Variants in ARHGAP42 observed in about 807,000 individuals in gnomAD.
ARHGAP42 encodes the protein Rho GTPase activating protein 42, also known as rho GTPase-activating protein 42.
In ARHGAP42, 63 loss-of-function variants were observed where a neutral mutation model predicts 125.0. The ratio of observed to expected loss-of-function variants is 0.50; its 90% CI spans 0.41 to 0.62. ARHGAP42 has a LOEUF of 0.62. Among genes scored for constraint, ARHGAP42 ranks in the 20% least tolerant of loss-of-function variants. The pLI, the probability that ARHGAP42 is intolerant of heterozygous loss-of-function variation, is 0.00. For synonymous variants in ARHGAP42, 339 were observed against 351.0 expected (o/e 0.97, Z 0.38); for missense variants, 766 against 1,024.2 (o/e 0.75, Z 3.44).
chr11:100,976,918 G>C lies in ARHGAP42; in HGVS notation c.2340G>C (p.Arg780Ser), dbSNP rs909835629. 1.3e-6 allele frequency: 2 copies of C among 1,551,516 alleles called. No homozygotes were observed. The highest frequency in any genetic ancestry group is 4.9e-5 in the East Asian group (2 of 40,920). The change falls in exon 21 of 24, where the codon AGG becomes AGC. Residue 780 changes from arginine to serine, a missense_variant. Physicochemically the swap from Arg to Ser is moderately radical, Grantham distance 110 (BLOSUM62 -1). Around this residue, in one of 3 missense-constraint regions of ARHGAP42, gnomAD observed 308 missense variants for 369.7 expected, o/e 0.83. Transcript: ENST00000298815. ...CAGACCTGCCTCCGAAAATGTGCAG[G>C]AGATTAAGACTAGACACTGCCTCAA... ...PNPDLPPKMC[R>S]RLRLDTASSN...
intron 3 of ARHGAP42, among the ~76,000 whole-genome samples, chr11:100,818,977 A>G (rs908506290): frequency 3.3e-5 from 5 of 152,164 alleles, no homozygotes; most frequent in African/African-American, 1.2e-4. Flanking sequence ...GAGGAGCAGA[A>G]GAAAAAATTT....
At chr11:100,934,027 T>C (rs1415653730) in intron 7 of ARHGAP42, among the ~76,000 whole-genome samples, 7 of 152,172 alleles carry the variant, frequency 4.6e-5, no homozygotes, top group African/African-American at 1.7e-4. Flanking sequence ...CCTCAGGTGA[T>C]CCACCCGCCA....
intron 6 of ARHGAP42, among the ~76,000 whole-genome samples, chr11:100,925,619 TC>T (rs1316570329): frequency 6.6e-6 from 1 of 152,066 alleles, no homozygotes; most frequent in Admixed American, 6.5e-5. Context: ...GTGCCTGTAA[TC>T]CCAGCTACTG....
chr11:100,949,735 G>A (rs1868125410), intron 11 of ARHGAP42, among the ~76,000 whole-genome samples, 182 bp from the exon 12 acceptor site: 2 of 152,092 alleles, frequency 1.3e-5, no homozygotes, highest in South Asian at 2.1e-4. Flanking sequence ...GGGAAGTGAG[G>A]GTGGGTGAAC....
intron 4 of ARHGAP42, among the ~76,000 whole-genome samples, chr11:100,901,437 C>G (rs920083067): frequency 2.6e-4 from 39 of 152,372 alleles, no homozygotes; most frequent in African/African-American, 8.7e-4. Flanking sequence ...AACCACTGCT[C>G]TCTTCACCAT....
At chr11:100,974,820 G>T (rs1858346911) in intron 19 of ARHGAP42, among the ~76,000 whole-genome samples, 1 of 152,050 alleles carries the variant, frequency 6.6e-6, no homozygotes, top group Admixed American at 6.6e-5. Context: ...AGAAAAAAGG[G>T]CTCAAGGCCC....
chr11:100,876,821 C>G (rs935212373), intron 4 of ARHGAP42, among the ~76,000 whole-genome samples: 1 of 152,164 alleles, frequency 6.6e-6, no homozygotes, highest in Non-Finnish European at 1.5e-5. Flanking sequence ...TCTTACTGTT[C>G]TGTATTTAGA....
intron 1 of ARHGAP42, among the ~76,000 whole-genome samples, chr11:100,767,819 G>A (rs564478339): frequency 6.6e-6 from 1 of 152,152 alleles, no homozygotes; most frequent in East Asian, 1.9e-4. Context: ...ATAAAGGGGT[G>A]TTCAATGGAA....
chr11:100,945,299 T>G (rs1238604348), intron 10 of ARHGAP42, among the ~76,000 whole-genome samples: 1 of 149,238 alleles, frequency 6.7e-6, no homozygotes, highest in Admixed American at 6.8e-5. Flanking sequence ...ACTGAAGTCT[T>G]GAACCCCTCC....
chr11:100,960,808 G>A, intron 13 of ARHGAP42, 107 bp from the exon 14 acceptor site: 1 of 591,178 alleles, frequency 1.7e-6, no homozygotes, highest in Non-Finnish European at 2.8e-6. Context: ...CTGTGAAATT[G>A]GATAAGTAGC....
chr11:100,920,555 A>C (rs1867210241), intron 5 of ARHGAP42, among the ~76,000 whole-genome samples: 2 of 152,148 alleles, frequency 1.3e-5, no homozygotes, highest in South Asian at 4.1e-4. Flanking sequence ...TGTAATACCC[A>C]ACTGGCGACA....
chr11:100,875,604 G>A (rs1329272412), intron 4 of ARHGAP42, among the ~76,000 whole-genome samples: 3 of 152,098 alleles, frequency 2.0e-5, no homozygotes, highest in African/African-American at 7.2e-5. Flanking sequence ...CCATTCCAGG[G>A]GTCAAATAAA....
chr11:100,823,361 G>A (rs1053454082), intron 3 of ARHGAP42, among the ~76,000 whole-genome samples: 5 of 152,088 alleles, frequency 3.3e-5, no homozygotes, highest in Non-Finnish European at 7.4e-5. Flanking sequence ...TCAGGATGGT[G>A]GATCACCTCT....
intron 18 of ARHGAP42, 149 bp from the exon 19 acceptor site, chr11:100,974,310 A>C: frequency 1.0e-5 from 7 of 678,290 alleles, no homozygotes; most frequent in Non-Finnish European, 1.6e-5. Context: ...CCCGTGAAAG[A>C]ATACTCCAGA....
At chr11:100,703,692 A>T (rs7938194) in intron 1 of ARHGAP42, among the ~76,000 whole-genome samples, 1 of 152,026 alleles carries the variant, frequency 6.6e-6, no homozygotes, top group Non-Finnish European at 1.5e-5. Flanking sequence ...TAATGAACAG[A>T]CAGTATAGAT....
chr11:100,801,294 T>C (rs1488291230), intron 3 of ARHGAP42, among the ~76,000 whole-genome samples: 1 of 152,212 alleles, frequency 6.6e-6, no homozygotes, highest in Non-Finnish European at 1.5e-5. Context: ...AAAGGGACTA[T>C]ATAATTAATT....
At chr11:100,915,340 T>G (rs1248178948) in intron 5 of ARHGAP42, among the ~76,000 whole-genome samples, 1 of 152,128 alleles carries the variant, frequency 6.6e-6, no homozygotes, top group African/African-American at 2.4e-5. Flanking sequence ...GATGTGGATG[T>G]AGTTATGTAG....
chr11:100,827,949 G>T (rs548122552), intron 3 of ARHGAP42, among the ~76,000 whole-genome samples: 3 of 152,308 alleles, frequency 2.0e-5, no homozygotes, highest in South Asian at 4.1e-4. Context: ...GGGAGTGGGG[G>T]TAAGAGATTT....
At chr11:100,859,374 A>C (rs1044565926) in intron 3 of ARHGAP42, 180 bp from the exon 4 acceptor site, 3 of 451,310 alleles carry the variant, frequency 6.6e-6, no homozygotes, top group African/African-American at 6.2e-5. Context: ...CAAGGGAAAT[A>C]ATATGCGAAA....
Sources: gnomAD v4.1 joint callset for allele counts (sites outside exome capture counted in the v4.1 genomes callset) on GRCh38, gnomAD v4.1.1 for gene constraint, gnomAD v4.1.1 regional missense constraint, MANE v1.5 for transcripts, NCBI Gene and HGNC (gene_info 2026-07-23, HGNC 2026-07-21) for gene names.